The following IL1RAPL1 variants were observed in gnomAD, a reference collection of about 807,000 sequenced individuals.
The protein encoded by IL1RAPL1 is interleukin 1 receptor accessory protein like 1.
In IL1RAPL1, 3 loss-of-function variants were observed where a neutral mutation model predicts 48.4. The ratio of observed to expected loss-of-function variants is 0.06; its 90% CI spans 0.03 to 0.16. The LOEUF (loss-of-function observed/expected upper bound fraction) is 0.16. Ranked by LOEUF, IL1RAPL1 falls within the 10% of genes least tolerant of loss-of-function variation. IL1RAPL1 has a pLI of 1.00. For synonymous variants in IL1RAPL1, 185 were observed against 187.7 expected (o/e 0.99, Z 0.12); for missense variants, 349 against 530.6 (o/e 0.66, Z 3.36).
intron 5 of IL1RAPL1, among the ~76,000 whole-genome samples, chrX:29,485,746 C>T (rs1035780174): frequency 9.0e-6 from 1 of 111,337 alleles, no homozygotes; most frequent in African/African-American, 3.3e-5. Flanking sequence ...AGTGTCTGTT[C>T]TTGTCAAAAT....
chrX:29,113,876 C>G (rs905088865), intron 2 of IL1RAPL1, among the ~76,000 whole-genome samples: 1 of 111,304 alleles, frequency 9.0e-6, no homozygotes. Context: ...ATTTGCTTGT[C>G]TAACTGAAAA....
chrX:29,319,104 A>G (rs762610348), intron 3 of IL1RAPL1, among the ~76,000 whole-genome samples: 1 of 104,324 alleles, frequency 9.6e-6, no homozygotes, highest in Admixed American at 1.1e-4. Flanking sequence ...TATAATCCAT[A>G]TATATATATT....
chrX:28,640,025 A>T (rs966193108), intron 1 of IL1RAPL1, among the ~76,000 whole-genome samples: 1 of 111,813 alleles, frequency 8.9e-6, no homozygotes, highest in African/African-American at 3.2e-5. Context: ...GCAGATCACT[A>T]ATTGTGTCCA....
chrX:29,189,235 AT>A (rs760899709), intron 2 of IL1RAPL1, among the ~76,000 whole-genome samples: 18 of 112,203 alleles, frequency 1.6e-4, no homozygotes, highest in Non-Finnish European at 3.4e-4. Context: ...TTTGGACTCA[AT>A]CACACTTAAG....
rs193185824 is a variant in IL1RAPL1, at chrX:29,612,489, A to G, written c.704-55941A>G. 3.3e-3 allele frequency among the ~76,000 whole-genome samples: 365 copies of G among 110,793 alleles called. 3 individuals are homozygous for G. The highest frequency in any genetic ancestry group is 0.011 in the African/African-American group (346 of 30,519). ...ATAACTGTCTTTCATGGGAATGTGC[A>G]CTTTTCAATTTTGCTGTATTTTCCT... On this transcript the variant is annotated intron_variant, in intron 5 of 10. Coordinates refer to ENST00000378993, the MANE Select transcript of IL1RAPL1 (RefSeq NM_014271.4).
intron 6 of IL1RAPL1, among the ~76,000 whole-genome samples, chrX:29,914,027 A>G (rs1932779617): frequency 9.0e-6 from 1 of 111,547 alleles, no homozygotes. Context: ...ACCGTCTTCT[A>G]TTCCTTCCTT....
chrX:29,215,821 G>T (rs1930856955), intron 2 of IL1RAPL1, among the ~76,000 whole-genome samples: 2 of 111,178 alleles, frequency 1.8e-5, no homozygotes, highest in South Asian at 7.6e-4. Context: ...CTGTCATTTT[G>T]TTATCTTGGC....
intron 1 of IL1RAPL1, among the ~76,000 whole-genome samples, chrX:28,725,051 A>G (rs1383440763): frequency 4.8e-5 from 5 of 103,726 alleles, no homozygotes; most frequent in African/African-American, 1.8e-4. Flanking sequence ...TCCCGGGTTC[A>G]CGCCATTGTC....
intron 2 of IL1RAPL1, among the ~76,000 whole-genome samples, chrX:29,270,852 A>G (rs150496104): frequency 0.027 from 2,982 of 111,681 alleles, 44 homozygotes; most frequent in Non-Finnish European, 0.044. Context: ...GAGATAATTG[A>G]CTAATTTTTT....
chrX:28,766,376 CT>C (rs1439855977), intron 1 of IL1RAPL1, among the ~76,000 whole-genome samples: 1 of 70,109 alleles, frequency 1.4e-5, no homozygotes, highest in African/African-American at 5.4e-5. Context: ...ATGACACACT[CT>C]TTAAAAAAAA....
chrX:29,338,719 CTCTG>C (rs1933031529), intron 3 of IL1RAPL1, among the ~76,000 whole-genome samples: 1 of 111,058 alleles, frequency 9.0e-6, no homozygotes, highest in South Asian at 3.9e-4. Context: ...CTCTTCCTGT[CTCTG>C]TCTGTCTCTC....
chrX:29,191,483 C>T (rs1212075788), intron 2 of IL1RAPL1, among the ~76,000 whole-genome samples: 1 of 111,467 alleles, frequency 9.0e-6, no homozygotes, highest in African/African-American at 3.3e-5. Context: ...TTCTTCATTT[C>T]CCCCCACCTC....
At chrX:29,600,384 G>A (rs1923682215) in intron 5 of IL1RAPL1, among the ~76,000 whole-genome samples, 1 of 111,971 alleles carries the variant, frequency 8.9e-6, no homozygotes, top group African/African-American at 3.3e-5. Context: ...CTGTCTTCAG[G>A]TTTTTCAGCC....
intron 6 of IL1RAPL1, among the ~76,000 whole-genome samples, chrX:29,775,544 T>A (rs1237329056): frequency 2.7e-5 from 3 of 111,189 alleles, no homozygotes; most frequent in Non-Finnish European, 5.7e-5. Flanking sequence ...AACAAGAGCT[T>A]CCTGGAGCTT....
intron 2 of IL1RAPL1, among the ~76,000 whole-genome samples, chrX:28,890,956 G>A (rs1306811645): frequency 8.9e-6 from 1 of 112,425 alleles, no homozygotes; most frequent in Non-Finnish European, 1.9e-5. Context: ...TCTGCAAATA[G>A]TATTCATTAA....
At chrX:29,662,349 C>G (rs1925870437) in intron 5 of IL1RAPL1, among the ~76,000 whole-genome samples, 1 of 111,709 alleles carries the variant, frequency 9.0e-6, no homozygotes, top group Non-Finnish European at 1.9e-5. Flanking sequence ...AGCAAGCTTT[C>G]CTGACAGTTT....
At chrX:29,327,090 G>T (rs984507746) in intron 3 of IL1RAPL1, among the ~76,000 whole-genome samples, 1 of 111,337 alleles carries the variant, frequency 9.0e-6, no homozygotes, top group African/African-American at 3.3e-5. Flanking sequence ...GTGGTTGGAT[G>T]CTGGCTCCAA....
At chrX:29,722,745 C>T (rs1479664101) in intron 6 of IL1RAPL1, among the ~76,000 whole-genome samples, 3 of 111,615 alleles carry the variant, frequency 2.7e-5, no homozygotes, top group Non-Finnish European at 5.6e-5. Context: ...ACATTTAATT[C>T]CTCTAGACTA....
At chrX:29,361,476 A>T (rs1257513785) in intron 3 of IL1RAPL1, among the ~76,000 whole-genome samples, 1 of 110,881 alleles carries the variant, frequency 9.0e-6, no homozygotes, top group East Asian at 2.8e-4. Flanking sequence ...TCCATAAATT[A>T]CATCTGGCCT....
Sources: gnomAD v4.1 joint callset for allele counts (sites outside exome capture counted in the v4.1 genomes callset) on GRCh38, gnomAD v4.1.1 for gene constraint, MANE v1.5 for transcripts, NCBI Gene and HGNC (gene_info 2026-07-23, HGNC 2026-07-21) for gene names.